The following TNR variants were observed in gnomAD, a reference collection of about 807,000 sequenced individuals.
TNR encodes the protein tenascin R, also known as tenascin-R.
Under a neutral mutation model 150.4 loss-of-function variants are expected in TNR, and 45 were observed. The ratio of observed to expected loss-of-function variants is 0.30; its 90% CI spans 0.24 to 0.38. The LOEUF (loss-of-function observed/expected upper bound fraction) is 0.38. Among genes scored for constraint, TNR ranks in the 10% least tolerant of loss-of-function variants. The pLI is 1.00. For missense variants in TNR, 1,544 were observed against 1,759.1 expected, an observed-to-expected ratio of 0.88 and a Z score of 2.19; for synonymous variants, 687 against 678.4, an observed-to-expected ratio of 1.01 and a Z score of -0.20.
chr1:175,697,347 C>CT (rs58904598), intron 1 of TNR, among the ~76,000 whole-genome samples: 62,244 of 147,190 alleles, frequency 0.42, 13,495 homozygotes, highest in East Asian at 0.67. Context: ...CTTTCTACGT[C>CT]TTTTTTTTTT....
intron 2 of TNR, among the ~76,000 whole-genome samples, chr1:175,434,657 C>T (rs999566424): frequency 1.8e-4 from 28 of 152,196 alleles, no homozygotes; most frequent in African/African-American, 6.8e-4. Flanking sequence ...TTTAGGCCCC[C>T]AACCTTACCT....
intron 1 of TNR, among the ~76,000 whole-genome samples, chr1:175,643,096 T>C (rs1471691441): frequency 6.6e-6 from 1 of 152,124 alleles, no homozygotes; most frequent in Non-Finnish European, 1.5e-5. Context: ...AAGGAAACAA[T>C]GATGTTTCTC....
At chr1:175,576,196 G>T (rs1314096440) in intron 1 of TNR, among the ~76,000 whole-genome samples, 3 of 152,206 alleles carry the variant, frequency 2.0e-5, no homozygotes, top group African/African-American at 7.2e-5. Context: ...TCACTGGATA[G>T]AAGTTTAAAA....
At position 175,528,350 on chromosome 1, in the gene TNR, A is replaced by G. The variant is rs1659930604; in HGVS notation, c.-145T>C. The stretch of plus-strand genomic sequence containing the variant: ...TCCAAAAGAGACCTGCCCTCTATGC[A>G]GTTAAAACGATACAGCCACCTGAAA... On this transcript the variant is annotated 5_prime_UTR_variant, in exon 2 of 23. Coordinates refer to ENST00000367674, the MANE Select transcript of TNR (RefSeq NM_003285.3). The G allele has an allele frequency of 6.6e-6, 1 of 152,236 alleles. No individual in the cohort carries two copies. Among genetic ancestry groups the G allele is most frequent in the Non-Finnish European group, 1.5e-5 (1 of 68,050 alleles). The allele number at this position is 152,236 out of a possible 1,614,324, so 9.4% of individuals were successfully genotyped here.
At chr1:175,401,979 A>G (rs1343687438) in intron 4 of TNR, among the ~76,000 whole-genome samples, 3 of 152,230 alleles carry the variant, frequency 2.0e-5, no homozygotes, top group Non-Finnish European at 2.9e-5. Context: ...AGGATGAGCT[A>G]TAGTGAAATA....
chr1:175,330,119 T>C lies in TNR; in HGVS notation c.3748A>G (p.Arg1250Gly). Residue 1250 changes from arginine (R) to glycine (G), a missense_variant, in exon 21 of 23, where the codon AGA (arginine) becomes GGA (glycine). Physicochemically the swap from Arg to Gly is moderately radical, Grantham distance 125. Transcript: ENST00000367674. ...CCTATGCGGAGTTTGTACAGGTTTC[T>C]GCTGTCCTCGACAGAGAACCTGTCG... ...SYDRFSVEDS[R>G]NLYKLRIGSY... 1 of 1,611,958 alleles carries C rather than the reference T, an allele frequency of 6.2e-7. No individual in the cohort carries two copies. Among genetic ancestry groups the C allele is most frequent in the Non-Finnish European group, 8.5e-7 (1 of 1,178,248 alleles).
chr1:175,713,907 C>T (rs1361694264), intron 1 of TNR, among the ~76,000 whole-genome samples: 1 of 152,200 alleles, frequency 6.6e-6, no homozygotes, highest in Admixed American at 6.5e-5. Context: ...ACCAAAATAA[C>T]TTAAGCAATC....
intron 2 of TNR, among the ~76,000 whole-genome samples, chr1:175,484,463 G>A (rs1235105743): frequency 2.0e-5 from 3 of 151,530 alleles, no homozygotes; most frequent in African/African-American, 4.9e-5. Context: ...TCCTTTTGCA[G>A]TCCACTCTTT....
At chr1:175,538,229 G>A (rs1381867728) in intron 1 of TNR, among the ~76,000 whole-genome samples, 1 of 152,124 alleles carries the variant, frequency 6.6e-6, no homozygotes, top group Non-Finnish European at 1.5e-5. Flanking sequence ...GGAGGTACAA[G>A]ATCAAAGCAG....
Position 175,525,818 on chromosome 1 carries a change from G to T in TNR, c.-64+2451C>A, listed in dbSNP as rs1242419320. ...CATTTCACAAAGAAGCTTAAATTCA[G>T]GAACACCTCTTTCATGACCACCCAT... On this transcript the variant is annotated intron_variant, in intron 2 of 22. Coordinates refer to ENST00000367674, the MANE Select transcript of TNR (RefSeq NM_003285.3). Among the ~76,000 whole-genome samples, 6 of 152,286 alleles carry T rather than the reference G, an allele frequency of 3.9e-5. No homozygotes were observed. In the East Asian group the frequency reaches 1.2e-3, roughly 29 times the overall value.
intron 1 of TNR, among the ~76,000 whole-genome samples, chr1:175,546,845 G>GAGTAAAA (rs1557998815): frequency 6.6e-6 from 1 of 152,128 alleles, no homozygotes; most frequent in Non-Finnish European, 1.5e-5. Flanking sequence ...GCAGTGAGCT[G>GAGTAAAA]AGTAAAACAA....
At chr1:175,548,510 T>C (rs1660804852) in intron 1 of TNR, among the ~76,000 whole-genome samples, 1 of 152,086 alleles carries the variant, frequency 6.6e-6, no homozygotes, top group Non-Finnish European at 1.5e-5. Flanking sequence ...CTCTCCCCTG[T>C]GTCAGTCTCG....
chr1:175,714,184 A>G (rs773738352), intron 1 of TNR, among the ~76,000 whole-genome samples: 1 of 149,510 alleles, frequency 6.7e-6, no homozygotes, highest in Non-Finnish European at 1.5e-5. Context: ...TTCTCTTCCC[A>G]CTCCCTCTGC....
intron 3 of TNR, among the ~76,000 whole-genome samples, 163 bp downstream of exon 3, chr1:175,406,051 TAC>T (rs1215843726): frequency 6.6e-6 from 1 of 152,188 alleles, no homozygotes; most frequent in Non-Finnish European, 1.5e-5. Context: ...AACCGGCAGC[TAC>T]AGACTAGGAC....
intron 1 of TNR, among the ~76,000 whole-genome samples, chr1:175,608,086 G>A (rs911825741): frequency 1.3e-5 from 2 of 152,184 alleles, no homozygotes; most frequent in Non-Finnish European, 2.9e-5. Flanking sequence ...GCTCACCCTG[G>A]AAGTACTACA....
At chr1:175,514,187 A>G (rs1303981243) in intron 2 of TNR, among the ~76,000 whole-genome samples, 1 of 152,218 alleles carries the variant, frequency 6.6e-6, no homozygotes, top group East Asian at 1.9e-4. Flanking sequence ...TCCTAGTGTA[A>G]TCACAAGGGT....
intron 2 of TNR, among the ~76,000 whole-genome samples, chr1:175,500,439 G>A (rs918108063): frequency 1.3e-5 from 2 of 152,186 alleles, no homozygotes; most frequent in Non-Finnish European, 2.9e-5. Context: ...GTAACCCCAG[G>A]ACCCTGTAAT....
At chr1:175,671,879 C>T (rs1665707599) in intron 1 of TNR, among the ~76,000 whole-genome samples, 1 of 150,960 alleles carries the variant, frequency 6.6e-6, no homozygotes, top group Admixed American at 6.6e-5. Context: ...GCCACATGCT[C>T]TCCTTATCCA....
Position 175,518,850 on chromosome 1 carries a change from T to C in TNR, c.-64+9419A>G, listed in dbSNP as rs761663905. On this transcript the variant is annotated intron_variant, in intron 2 of 22. Coordinates refer to ENST00000367674, the MANE Select transcript of TNR (RefSeq NM_003285.3). ...AATTACAGGTCCATTATCTTTATTA[T>C]TACCTCAGTTACAATCATAATTGCT... Among the ~76,000 whole-genome samples, 58 of 152,346 alleles carry C rather than the reference T, an allele frequency of 3.8e-4. 1 individual carries two copies. The highest frequency in any genetic ancestry group is 7.3e-4 in the Non-Finnish European group (50 of 68,032).
Sources: gnomAD v4.1 joint callset for allele counts (sites outside exome capture counted in the v4.1 genomes callset) on GRCh38, gnomAD v4.1.1 for gene constraint, MANE v1.5 for transcripts, NCBI Gene and HGNC (gene_info 2026-07-23, HGNC 2026-07-21) for gene names.